The following REPS1 variants were observed in gnomAD, a reference collection of about 807,000 sequenced individuals.
REPS1 encodes RALBP1 associated Eps domain containing 1, also known as ralBP1-associated Eps domain-containing protein 1.
Under a neutral mutation model 100.9 loss-of-function variants are expected in REPS1, and 39 were observed. The observed-to-expected ratio is 0.39, with a 90% CI of 0.30 to 0.50. The LOEUF is 0.50. REPS1 is among the 20% of genes least tolerant of loss of function. The pLI, the probability that REPS1 is intolerant of heterozygous loss-of-function variation, is 0.86. For synonymous variants in REPS1, 324 were observed against 340.3 expected (o/e 0.95, Z 0.53); for missense variants, 821 against 968.5 (o/e 0.85, Z 2.02).
At chr6:138,938,457 C>T (rs1245997655) in intron 8 of REPS1, among the ~76,000 whole-genome samples, 3 of 152,148 alleles carry the variant, frequency 2.0e-5, no homozygotes, top group Non-Finnish European at 4.4e-5. Context: ...TAACAAATCG[C>T]TGTATTTTCA....
At chr6:138,979,238 G>C (rs1310839753) in intron 1 of REPS1, among the ~76,000 whole-genome samples, 1 of 142,132 alleles carries the variant, frequency 7.0e-6, no homozygotes, top group Non-Finnish European at 1.5e-5. Context: ...TCCTATCAAA[G>C]GACTCTGTGC....
In REPS1 at chr6:138,987,869, G is replaced by C. The variant is rs1222615394; in HGVS notation, c.-187C>G. 2 of 556,576 alleles carry C rather than the reference G, an allele frequency of 3.6e-6. No individual in the cohort carries two copies. The highest frequency in any genetic ancestry group is 5.3e-6 in the Non-Finnish European group (2 of 374,894). 34.5% of individuals were successfully genotyped at this position (556,576 alleles called of 1,614,324 possible). On this transcript the variant is annotated 5_prime_UTR_variant, in exon 1 of 20. Coordinates refer to ENST00000450536, the MANE Select transcript of REPS1 (RefSeq NM_001286611.2). ...CCCGGAGGTCGCGAGGAGGGGGCCC[G>C]GCTGCGCTCGCCGCGCCGCTGCCTG...
intron 5 of REPS1, among the ~76,000 whole-genome samples, chr6:138,944,235 GA>G (rs1277203121): frequency 6.6e-6 from 1 of 152,222 alleles, no homozygotes; most frequent in African/African-American, 2.4e-5. Context: ...AGAAAGTTAT[GA>G]AAATGTGCTA....
chr6:138,945,436 A>C, intron 3 of REPS1, 64 bp from the exon 4 acceptor site: 1 of 1,581,854 alleles, frequency 6.3e-7, no homozygotes, highest in East Asian at 2.2e-5. Flanking sequence ...TAAGCTACCA[A>C]TAAGAGCCTT....
chr6:138,917,578 G>C lies in REPS1; in HGVS notation c.1578C>G (p.Ile526Met), dbSNP rs751904980. ...SDSFTSDPEQIGSNVTRQRSH... is the reference protein window; with the variant it reads ...SDSFTSDPEQMGSNVTRQRSH... ...ACCTTTGACGAGTTACATTGCTCCC[G>C]ATCTGTTCTGGGTCAGAAGTAAAAG... The change falls in exon 13 of 20, where the codon ATC becomes ATG. Residue 526 changes from isoleucine (I) to methionine (M), a missense_variant. Ile to Met is a conservative substitution (Grantham distance 10). Coordinates refer to ENST00000450536, the MANE Select transcript of REPS1 (RefSeq NM_001286611.2). The C allele has an allele frequency of 1.2e-6, 2 of 1,613,426 alleles. No individual in the cohort carries two copies. Among genetic ancestry groups the C allele is most frequent in the Non-Finnish European group, 1.7e-6 (2 of 1,179,546 alleles).
intron 1 of REPS1, among the ~76,000 whole-genome samples, chr6:138,969,859 A>ATTTTTTT (rs56070030): frequency 0.038 from 3,582 of 94,550 alleles, 304 homozygotes; most frequent in Non-Finnish European, 0.046. Context: ...GTGAATTGGG[A>ATTTTTTT]TTTTTTTTTT....
intron 1 of REPS1, among the ~76,000 whole-genome samples, chr6:138,963,291 T>C (rs1267065777): frequency 6.6e-6 from 1 of 152,216 alleles, no homozygotes; most frequent in Non-Finnish European, 1.5e-5. Context: ...TTTGAGTTAC[T>C]AGTATTATCC....
At chr6:138,987,247 T>A (rs185274645) in intron 1 of REPS1, among the ~76,000 whole-genome samples, 2 of 152,216 alleles carry the variant, frequency 1.3e-5, no homozygotes, top group African/African-American at 4.8e-5. Context: ...TCAAGTGAGA[T>A]AGCTCTTGCA....
chr6:138,922,719 T>C (rs1780859691), intron 10 of REPS1, among the ~76,000 whole-genome samples: 1 of 152,212 alleles, frequency 6.6e-6, no homozygotes, highest in Admixed American at 6.5e-5. Flanking sequence ...ACACTCTGTA[T>C]ATGCGGCCGC....
chr6:138,926,869 A>C (rs191000961), intron 9 of REPS1: 3 of 167,840 alleles, frequency 1.8e-5, no homozygotes, highest in Admixed American at 6.0e-5. Context: ...TGAACATTCA[A>C]ATGTTAATGT....
At chr6:138,969,150 A>G (rs754061778) in intron 1 of REPS1, among the ~76,000 whole-genome samples, 4 of 152,252 alleles carry the variant, frequency 2.6e-5, no homozygotes, top group Non-Finnish European at 5.9e-5. Flanking sequence ...ACTTACATAC[A>G]ATGTTGAAAA....
At chr6:138,915,796 ATG>A (rs1780328985) in intron 14 of REPS1, 60 bp downstream of exon 14, 1 of 1,150,268 alleles carries the variant, frequency 8.7e-7, no homozygotes, top group East Asian at 2.4e-5. Flanking sequence ...TAAAATGTGT[ATG>A]TGTGTTGGAT....
chr6:138,975,758 T>C (rs1348525610), intron 1 of REPS1, among the ~76,000 whole-genome samples: 1 of 152,012 alleles, frequency 6.6e-6, no homozygotes, highest in Non-Finnish European at 1.5e-5. Context: ...CACTTGAACC[T>C]GGGAGGCAGA....
chr6:138,946,667 C>T (rs1782633713), intron 2 of REPS1, among the ~76,000 whole-genome samples: 1 of 152,156 alleles, frequency 6.6e-6, no homozygotes, highest in African/African-American at 2.4e-5. Context: ...AAAACTATTT[C>T]TACAAATTCT....
intron 1 of REPS1, among the ~76,000 whole-genome samples, chr6:138,954,001 T>C (rs1783213575): frequency 6.6e-6 from 1 of 152,062 alleles, no homozygotes; most frequent in Non-Finnish European, 1.5e-5. Flanking sequence ...TACCATGGAA[T>C]ACTATTCAGC....
intron 12 of REPS1, 31 bp from the exon 13 acceptor site, chr6:138,917,658 T>G: frequency 6.4e-7 from 1 of 1,557,802 alleles, no homozygotes; most frequent in Non-Finnish European, 8.8e-7. Context: ...TATTTAATAA[T>G]AATCATTTCT....
intron 8 of REPS1, among the ~76,000 whole-genome samples, chr6:138,939,503 TA>T (rs1562536201): frequency 6.6e-6 from 1 of 152,132 alleles, no homozygotes; most frequent in East Asian, 1.9e-4. Context: ...AAGGAAAAAT[TA>T]AATATATGCA....
In REPS1 at chr6:138,908,873, A is replaced by C. The variant is rs1050524934; in HGVS notation, c.2068-57T>G. The C allele has an allele frequency of 5.4e-6, 8 of 1,494,644 alleles. No individual in the cohort carries two copies. In the African/African-American group the frequency reaches 9.8e-5, roughly 18 times the overall value. 92.6% of individuals were successfully genotyped at this position (1,494,644 alleles called of 1,614,324 possible). On this transcript the variant is annotated intron_variant, in intron 17 of 19. Coordinates refer to ENST00000450536, the MANE Select transcript of REPS1 (RefSeq NM_001286611.2). Reference sequence around the variant, plus strand: ...ATTTTTGAAGACATTCATAGTTAGCACTTTGCAACACCATTTGCTTTCTTT... The same window carrying C: ...ATTTTTGAAGACATTCATAGTTAGCCCTTTGCAACACCATTTGCTTTCTTT...
chr6:138,931,116 G>A (rs1359857356), intron 8 of REPS1, among the ~76,000 whole-genome samples: 3 of 152,092 alleles, frequency 2.0e-5, no homozygotes, highest in African/African-American at 7.2e-5. Flanking sequence ...CATTGTGTCT[G>A]ACCATGGGCA....
Sources: gnomAD v4.1 joint callset for allele counts (sites outside exome capture counted in the v4.1 genomes callset) on GRCh38, gnomAD v4.1.1 for gene constraint, MANE v1.5 for transcripts, NCBI Gene and HGNC (gene_info 2026-07-23, HGNC 2026-07-21) for gene names.